PCDHGA3: variants seen among roughly 807,000 people sequenced by gnomAD.
The protein encoded by PCDHGA3 is protocadherin gamma subfamily A, 3.
PCDHGA3 carries 40 observed loss-of-function variants against 58.5 expected under a neutral mutation model. That is an observed-to-expected ratio of 0.68 (90% CI 0.53 to 0.89). The LOEUF (loss-of-function observed/expected upper bound fraction) is 0.89. Among genes scored for constraint, PCDHGA3 ranks in the 40% least tolerant of loss-of-function variants. The pLI, the probability that PCDHGA3 is intolerant of heterozygous loss-of-function variation, is 0.00. For synonymous variants in PCDHGA3, 530 were observed against 525.7 expected (o/e 1.01, Z -0.11); for missense variants, 1,223 against 1,195.9 (o/e 1.02, Z -0.33).
chr5:141,492,501 G>A (rs551410616), intron 1 of PCDHGA3, among the ~76,000 whole-genome samples: 8 of 152,302 alleles, frequency 5.3e-5, no homozygotes, highest in East Asian at 1.9e-4. Flanking sequence ...CGAGGACTCC[G>A]GAGCCTCCTC....
intron 1 of PCDHGA3, 117 bp downstream of exon 1, chr5:141,346,574 C>G (rs1757774307): frequency 7.0e-7 from 1 of 1,420,428 alleles, no homozygotes; most frequent in Non-Finnish European, 9.5e-7. Flanking sequence ...AGTCCTTTGA[C>G]TAAATATTTG....
chr5:141,346,261 C>A lies in PCDHGA3; in HGVS notation c.2228C>A (p.Ala743Glu), dbSNP rs7736541. 8 of 1,613,842 alleles carry A rather than the reference C, an allele frequency of 5.0e-6. No individual in the cohort carries two copies. The highest frequency in any genetic ancestry group is 6.8e-6 in the Non-Finnish European group (8 of 1,179,948). ...ASTPGSHFVG[A>E]DGVRAFLQTY... ...ACGCCCGGCTCGCACTTTGTGGGCG[C>A]GGACGGGGTTCGGGCTTTCCTGCAG... Residue 743 changes from alanine (A) to glutamate (E), a missense_variant, in exon 1 of 4, where the codon GCG (alanine) becomes GAG (glutamate). Around this residue, in one of 3 missense-constraint regions of PCDHGA3, gnomAD observed 325 missense variants for 327.5 expected, o/e 0.99. Coordinates refer to ENST00000253812, the MANE Select transcript of PCDHGA3 (RefSeq NM_018916.4).
At chr5:141,383,989 A>G in intron 1 of PCDHGA3, 1 of 1,613,876 alleles carries the variant, frequency 6.2e-7, no homozygotes, top group Non-Finnish European at 8.5e-7. Context: ...ACCTCTTGGG[A>G]CAGTCATTGC....
At position 141,346,470 on chromosome 5, in the gene PCDHGA3, ATTTC is replaced by A. The variant is rs1561492427; in HGVS notation, c.2424+17_2424+20del. ...CAACCTACTTCAGGTGAGTTTATTT[ATTTC>A]TTTGATTATTAAGAACAAATATGAG... On this transcript the variant is annotated intron_variant, in intron 1 of 3. Coordinates refer to ENST00000253812, the MANE Select transcript of PCDHGA3 (RefSeq NM_018916.4). 1.1e-5 allele frequency: 17 copies of A among 1,613,752 alleles called. No individual in the cohort carries two copies. The highest frequency in any genetic ancestry group is 1.4e-5 in the Non-Finnish European group (17 of 1,179,788).
Position 141,494,824 on chromosome 5 carries a change from G to A in PCDHGA3, c.2442G>A (p.Thr814=), listed in dbSNP as rs1423741889. The A allele has an allele frequency of 1.8e-5, 29 of 1,613,924 alleles. No homozygotes were observed. Among genetic ancestry groups the A allele is most frequent in the Non-Finnish European group, 2.4e-5 (28 of 1,180,032 alleles). Residue 814 remains threonine (T), a synonymous_variant, in exon 2 of 4, where the codon ACG becomes ACA. Transcript: ENST00000253812. The part of the protein sequence containing the change: ...SNLLQQAPPN[T]DWRFSQAQRP... ...CTCCACAGCAAGCCCCGCCCAACAC[G>A]GACTGGCGTTTCTCTCAGGCCCAGA...
intron 1 of PCDHGA3, chr5:141,422,646 C>T (rs748692494): frequency 5.0e-6 from 8 of 1,611,836 alleles, no homozygotes; most frequent in Non-Finnish European, 6.8e-6. Flanking sequence ...CCTCCATCTT[C>T]TCAGTGACCG....
chr5:141,441,162 G>A (rs1009205566), intron 1 of PCDHGA3: 48 of 152,166 alleles, frequency 3.2e-4, no homozygotes, highest in Admixed American at 1.5e-3. Flanking sequence ...TCCTAGAGGC[G>A]ATTTTTACTT....
intron 1 of PCDHGA3, among the ~76,000 whole-genome samples, chr5:141,474,193 A>C (rs2099345142): frequency 6.6e-6 from 1 of 152,256 alleles, no homozygotes. Context: ...TACATTTTTA[A>C]AAGCTGATTT....
At chr5:141,395,177 T>C in intron 1 of PCDHGA3, 2 of 1,614,120 alleles carry the variant, frequency 1.2e-6, no homozygotes, top group South Asian at 2.2e-5. Flanking sequence ...GTGAGAAAAA[T>C]GATTCTTTGT....
chr5:141,352,394 C>A (rs370902348), intron 1 of PCDHGA3: 1 of 1,613,932 alleles, frequency 6.2e-7, no homozygotes, highest in African/African-American at 1.3e-5. Context: ...CCTGCGCCTG[C>A]GACGTTCCTC....
chr5:141,390,388 G>C, intron 1 of PCDHGA3: 1 of 1,423,474 alleles, frequency 7.0e-7, no homozygotes, highest in Admixed American at 2.1e-5. Context: ...TAGATGTCAT[G>C]GATCATTTTA....
At chr5:141,357,776 T>C (rs1045078426) in intron 1 of PCDHGA3, 19 of 906,498 alleles carry the variant, frequency 2.1e-5, no homozygotes, top group Non-Finnish European at 2.8e-5. Flanking sequence ...CCAATAATGA[T>C]CAACAGTATT....
intron 1 of PCDHGA3, among the ~76,000 whole-genome samples, chr5:141,451,387 T>C (rs1039738460): frequency 6.6e-6 from 1 of 152,116 alleles, no homozygotes; most frequent in African/African-American, 2.4e-5. Flanking sequence ...TCTCACATAG[T>C]TAATGGCAAA....
intron 1 of PCDHGA3, chr5:141,395,188 T>C (rs1188356077): frequency 6.2e-7 from 1 of 1,614,128 alleles, no homozygotes; most frequent in East Asian, 2.2e-5. Flanking sequence ...GATTCTTTGT[T>C]AACATCCGTA....
chr5:141,369,924 C>T (rs1175657292), intron 1 of PCDHGA3, among the ~76,000 whole-genome samples: 1 of 152,092 alleles, frequency 6.6e-6, no homozygotes, highest in East Asian at 1.9e-4. Context: ...AAACTAAAAA[C>T]GTGACGGGAT....
chr5:141,407,135 GA>G (rs796659459), intron 1 of PCDHGA3, among the ~76,000 whole-genome samples: 93 of 151,930 alleles, frequency 6.1e-4, no homozygotes, highest in African/African-American at 2.2e-3. Flanking sequence ...TTATTTTTAA[GA>G]AAAAAAAGCT....
rs17097294 is a variant in PCDHGA3 at position 141,425,513 on chromosome 5, T to G, written c.2425-69294T>G. On this transcript the variant is annotated intron_variant, in intron 1 of 3. Coordinates refer to ENST00000253812, the MANE Select transcript of PCDHGA3 (RefSeq NM_018916.4). ...AGGCTATACCTTTATATTCTCTTTA[T>G]GATGAAACATGAAACAATAATCCTT... Among the ~76,000 whole-genome samples, 699 of 152,380 alleles carry G rather than the reference T, an allele frequency of 4.6e-3. 4 individuals carry two copies. The highest frequency in any genetic ancestry group is 0.015 in the African/African-American group (636 of 41,592).
chr5:141,345,388 T>C lies in PCDHGA3; in HGVS notation c.1355T>C (p.Phe452Ser). 1 of 1,613,834 alleles carries C rather than the reference T, an allele frequency of 6.2e-7. No homozygotes were observed. Among genetic ancestry groups the C allele is most frequent in the South Asian group, 1.1e-5 (1 of 91,048 alleles). Residue 452 changes from phenylalanine (F) to serine (S), a missense_variant, in exon 1 of 4, where the codon TTC becomes TCC. Coordinates refer to ENST00000253812, the MANE Select transcript of PCDHGA3 (RefSeq NM_018916.4). ...GACATCAATGACAACCCACCCACCT[T>C]CCCTCATTTATCCTACTCCGCCTAC... ...VIDINDNPPT[F>S]PHLSYSAYIP...
At chr5:141,352,305 C>G (rs1758974318) in intron 1 of PCDHGA3, 1 of 1,613,952 alleles carries the variant, frequency 6.2e-7, no homozygotes, top group Non-Finnish European at 8.5e-7. Context: ...GACCCCCAGA[C>G]GGAACTGCAG....
Sources: allele counts gnomAD v4.1 joint callset (sites outside exome capture counted in the v4.1 genomes callset), GRCh38; gene constraint gnomAD v4.1.1; regional missense constraint gnomAD v4.1.1; transcripts MANE v1.5; gene names NCBI Gene and HGNC (gene_info 2026-07-23, HGNC 2026-07-21).